Variants in ARHGAP17 observed in about 807,000 individuals in gnomAD.
ARHGAP17 encodes rho GTPase-activating protein 17.
Under a neutral mutation model 99.5 loss-of-function variants are expected in ARHGAP17, and 57 were observed. The ratio of observed to expected loss-of-function variants is 0.57; its 90% CI spans 0.46 to 0.71. The LOEUF (loss-of-function observed/expected upper bound fraction) is 0.71. Ranked by LOEUF, ARHGAP17 falls within the 30% of genes least tolerant of loss-of-function variation. The pLI is 0.00. For synonymous variants in ARHGAP17, 417 were observed against 429.6 expected (o/e 0.97, Z 0.36); for missense variants, 1,000 against 1,122.4 (o/e 0.89, Z 1.56).
chr16:24,930,675 C>A (rs561804991), intron 19 of ARHGAP17, 109 bp downstream of exon 19: 2 of 1,591,646 alleles, frequency 1.3e-6, no homozygotes, highest in Non-Finnish European at 1.7e-6. Flanking sequence ...GTTTGGCTTG[C>A]GGGTGTAGTT....
Position 24,936,018 on chromosome 16 carries a change from T to C in ARHGAP17, c.1725-379A>G, listed in dbSNP as rs115831648. ...CAACGACTCTGCCACTCCAGTATCATCAGAGAGACCATTTCAAAGCAACCA... is the reference window on the plus strand; with the variant it reads ...CAACGACTCTGCCACTCCAGTATCACCAGAGAGACCATTTCAAAGCAACCA... On this transcript the variant is annotated intron_variant, in intron 17 of 19. Coordinates refer to ENST00000289968, the MANE Select transcript of ARHGAP17 (RefSeq NM_001006634.3). 3,026 of 327,200 alleles carry C rather than the reference T, an allele frequency of 9.2e-3. 63 individuals are homozygous for C. Among genetic ancestry groups the C allele is most frequent in the African/African-American group, 0.055 (2,524 of 46,252 alleles). The allele number at this position is 327,200 out of a possible 1,614,324, so 20.3% of individuals were successfully genotyped here.
At chr16:24,927,816 T>A (rs1445523377) in intron 19 of ARHGAP17, 1 of 482,580 alleles carries the variant, frequency 2.1e-6, no homozygotes, top group Non-Finnish European at 3.2e-6. Flanking sequence ...TAAACTCTTT[T>A]ACATGGGAAT....
chr16:24,967,699 G>C (rs1490405104), intron 6 of ARHGAP17, among the ~76,000 whole-genome samples: 1 of 148,988 alleles, frequency 6.7e-6, no homozygotes, highest in African/African-American at 2.5e-5. Context: ...GAGGCAGAAG[G>C]ATCACTTGAG....
intron 3 of ARHGAP17, among the ~76,000 whole-genome samples, chr16:24,973,128 C>G (rs1450212083): frequency 6.6e-6 from 1 of 152,140 alleles, no homozygotes; most frequent in Non-Finnish European, 1.5e-5. Context: ...CAGCACCATG[C>G]CTGGCCAGGG....
intron 2 of ARHGAP17, among the ~76,000 whole-genome samples, chr16:24,977,654 A>G (rs936019615): frequency 9.9e-5 from 15 of 152,196 alleles, no homozygotes; most frequent in African/African-American, 3.6e-4. Flanking sequence ...AACGTTCCAC[A>G]ATTTAACTGC....
intron 1 of ARHGAP17, among the ~76,000 whole-genome samples, chr16:25,005,290 C>T (rs540448915): frequency 1.3e-5 from 2 of 152,320 alleles, no homozygotes; most frequent in African/African-American, 4.8e-5. Context: ...ATTTAAAAGA[C>T]AGTTTCTTAT....
Position 24,920,275 on chromosome 16 carries a change from G to C in ARHGAP17, c.2516-15C>G. On this transcript the variant is annotated splice_polypyrimidine_tract_variant and intron_variant, in intron 19 of 19. Transcript: ENST00000289968. ...GGAATTGGAGTCTGGACAAAAACAC[G>C]AGGAGACATGGTATCAATGAGGGGT... 1 of 1,613,692 alleles carries C rather than the reference G, an allele frequency of 6.2e-7. No individual in the cohort carries two copies. The highest frequency in any genetic ancestry group is 8.5e-7 in the Non-Finnish European group (1 of 1,179,812).
chr16:24,975,283 A>G (rs1231595152), intron 3 of ARHGAP17, among the ~76,000 whole-genome samples: 1 of 152,254 alleles, frequency 6.6e-6, no homozygotes, highest in Non-Finnish European at 1.5e-5. Context: ...CATCTAAGAG[A>G]GGAAGTTTTT....
chr16:24,948,763 C>T (rs1275634605), intron 13 of ARHGAP17, among the ~76,000 whole-genome samples: 2 of 151,492 alleles, frequency 1.3e-5, no homozygotes, highest in Non-Finnish European at 3.0e-5. Flanking sequence ...TCACTCAAAA[C>T]CAAACAAGGA....
chr16:24,970,633 A>C, intron 3 of ARHGAP17, 53 bp from the exon 4 acceptor site: 3 of 1,492,642 alleles, frequency 2.0e-6, no homozygotes, highest in Non-Finnish European at 2.8e-6. Context: ...ACCCATTCTC[A>C]ATGATCTTTT....
chr16:24,921,167 C>A (rs2050710351), intron 19 of ARHGAP17, among the ~76,000 whole-genome samples: 1 of 152,196 alleles, frequency 6.6e-6, no homozygotes, highest in Non-Finnish European at 1.5e-5. Context: ...CAGCACTGAA[C>A]AAGACAGGCA....
At chr16:24,974,595 T>C (rs1311142505) in intron 3 of ARHGAP17, among the ~76,000 whole-genome samples, 7 of 152,166 alleles carry the variant, frequency 4.6e-5, no homozygotes, top group African/African-American at 1.7e-4. Flanking sequence ...AAGATTTTTT[T>C]TTTTAGGCAG....
At chr16:24,965,267 G>C (rs905967637) in intron 6 of ARHGAP17, among the ~76,000 whole-genome samples, 1 of 152,106 alleles carries the variant, frequency 6.6e-6, no homozygotes, top group Non-Finnish European at 1.5e-5. Flanking sequence ...TCAGGATATC[G>C]AGACCATCTT....
At chr16:24,973,909 T>C (rs1427713811) in intron 3 of ARHGAP17, among the ~76,000 whole-genome samples, 1 of 152,180 alleles carries the variant, frequency 6.6e-6, no homozygotes, top group East Asian at 1.9e-4. Context: ...CAGTGACATA[T>C]TTGGGGACTG....
intron 6 of ARHGAP17, among the ~76,000 whole-genome samples, chr16:24,968,057 T>C (rs1219134506): frequency 6.6e-6 from 1 of 152,212 alleles, no homozygotes; most frequent in African/African-American, 2.4e-5. Flanking sequence ...ATTCCTACAC[T>C]CTGAGTTGTG....
rs1253287570 is a variant in ARHGAP17, at chr16:24,947,537, G to A, written c.1186C>T (p.Pro396Ser). The A allele has an allele frequency of 1.9e-6, 3 of 1,613,522 alleles. No homozygotes were observed. The African/African-American group carries it at 4.0e-5, about 22-fold the overall frequency. Residue 396 changes from proline to serine, a missense_variant, in exon 14 of 20, where the codon CCC becomes TCC. Pro to Ser is a moderately conservative substitution (Grantham distance 74). This residue lies in a region of ARHGAP17 where 472 missense variants were observed against 611.1 expected (regional missense o/e 0.77). Coordinates refer to ENST00000289968, the MANE Select transcript of ARHGAP17 (RefSeq NM_001006634.3). Reference sequence around the variant, plus strand: ...CCTAACACAATCGCAATGTTGCTGGGAGTCATTTTATTCACATCGCTGGTC... The same window carrying A: ...CCTAACACAATCGCAATGTTGCTGGAAGTCATTTTATTCACATCGCTGGTC... The part of the protein sequence containing the change: ...AQTSDVNKMT[P>S]SNIAIVLGPN...
In ARHGAP17 at chr16:25,007,526, C is replaced by T. The variant is rs1597495254; in HGVS notation, c.53+7683G>A. 2.0e-5 allele frequency among the ~76,000 whole-genome samples: 3 copies of T among 152,234 alleles called. No homozygotes were observed. In the South Asian group the frequency reaches 6.2e-4, roughly 32 times the overall value. ...GGACTACATGCACATGCTACCATGC[C>T]TGGCTAAACTTTTTGCGTGTGTAGA... is the stretch of plus-strand genomic sequence containing the variant. On this transcript the variant is annotated intron_variant, in intron 1 of 19. Transcript: ENST00000289968.
Position 25,004,241 on chromosome 16 carries a change from T to C in ARHGAP17, c.53+10968A>G, listed in dbSNP as rs147965034. Among the ~76,000 whole-genome samples, 1,099 of 152,246 alleles carry C rather than the reference T, an allele frequency of 7.2e-3. 17 individuals carry two copies. The highest frequency in any genetic ancestry group is 0.025 in the African/African-American group (1,027 of 41,540). Reference sequence around the variant, plus strand: ...GAGTTGGAGACCAGCCTGGGCAACATAGCAAGACTCTGCCTCCATGAAAAA... The same window carrying C: ...GAGTTGGAGACCAGCCTGGGCAACACAGCAAGACTCTGCCTCCATGAAAAA... On this transcript the variant is annotated intron_variant, in intron 1 of 19. Coordinates refer to ENST00000289968, the MANE Select transcript of ARHGAP17 (RefSeq NM_001006634.3).
chr16:24,937,949 A>T (rs1192222602), intron 17 of ARHGAP17, among the ~76,000 whole-genome samples: 1 of 152,226 alleles, frequency 6.6e-6, no homozygotes, highest in Non-Finnish European at 1.5e-5. Context: ...TTTGGCACAC[A>T]TGTATGCAAA....
Sources: gnomAD v4.1 joint callset for allele counts (sites outside exome capture counted in the v4.1 genomes callset) on GRCh38, gnomAD v4.1.1 for gene constraint, gnomAD v4.1.1 regional missense constraint, MANE v1.5 for transcripts, NCBI Gene and HGNC (gene_info 2026-07-23, HGNC 2026-07-21) for gene names.